Variants in COL6A2 observed in about 807,000 individuals in gnomAD.
The protein encoded by COL6A2 is collagen alpha-2(VI) chain.
A neutral mutation model predicts 124.9 loss-of-function variants in COL6A2; 90 were observed. The ratio of observed to expected loss-of-function variants is 0.72; its 90% CI spans 0.61 to 0.86. The LOEUF (loss-of-function observed/expected upper bound fraction) is 0.86. Ranked by LOEUF, COL6A2 falls within the 40% of genes least tolerant of loss-of-function variation. COL6A2 has a pLI of 0.00. For missense variants in COL6A2, 1,607 were observed against 1,502.5 expected (o/e 1.07, Z -1.15); for synonymous variants, 793 against 618.2 (o/e 1.28, Z -4.19).
chr21:46,122,630 C>G, intron 20 of COL6A2, 99 bp downstream of exon 20: 3 of 1,384,520 alleles, frequency 2.2e-6, no homozygotes, highest in Non-Finnish European at 3.1e-6. Flanking sequence ...AGGACCACCC[C>G]TGTCTTGAGA....
Position 46,127,387 on chromosome 21 carries a change from T to G in COL6A2, c.2461+846T>G, listed in dbSNP as rs566360061. Reference sequence around the variant, plus strand: ...GGGTGAGCTGGGCCACTGAGCACATTCACAGGCCCTGAGGCTGCCCCAGGG... The same window carrying G: ...GGGTGAGCTGGGCCACTGAGCACATGCACAGGCCCTGAGGCTGCCCCAGGG... On this transcript the variant is annotated intron_variant, in intron 27 of 27. Coordinates refer to ENST00000300527, the MANE Select transcript of COL6A2 (RefSeq NM_001849.4). 9.2e-5 allele frequency among the ~76,000 whole-genome samples: 14 copies of G among 152,204 alleles called. No homozygotes were observed. In the South Asian group the frequency reaches 2.1e-3, roughly 23 times the overall value.
chr21:46,116,168 G>A lies in COL6A2; in HGVS notation c.900+115G>A. 1.6e-6 allele frequency: 2 copies of A among 1,238,512 alleles called. No individual in the cohort carries two copies. Among genetic ancestry groups the A allele is most frequent in the South Asian group, 2.6e-5 (2 of 77,942 alleles). 76.7% of individuals were successfully genotyped at this position (1,238,512 alleles called of 1,614,324 possible). On this transcript the variant is annotated intron_variant, in intron 7 of 27. Coordinates refer to ENST00000300527, the MANE Select transcript of COL6A2 (RefSeq NM_001849.4). The surrounding 1 kb of genome is among the most constrained non-coding windows in gnomAD (Gnocchi z 4.6). ...CTACGACCCTCCCCCCAGTTACCAA[G>A]GAACAGAAGCACCTCGATAACTTGA...
intron 10 of COL6A2, 81 bp from the exon 11 acceptor site, chr21:46,117,319 G>T: frequency 7.1e-7 from 1 of 1,399,846 alleles, no homozygotes; most frequent in East Asian, 2.4e-5. Context: ...GGGCAGAACC[G>T]GGTGGGCTGT....
rs2078649334 is a variant in COL6A2 at position 46,125,548 on chromosome 21, G to A, written c.1900G>A (p.Glu634Lys). Reference sequence around the variant, plus strand: ...CATTGGGTACACCAACTTCACACTGGAGAAGAACTTCGTCATCAACGTGGT... The same window carrying A: ...CATTGGGTACACCAACTTCACACTGAAGAAGAACTTCGTCATCAACGTGGT... ...ESIGYTNFTL[E>K]KNFVINVVNR... Residue 634 changes from glutamate (E) to lysine (K), a missense_variant, in exon 25 of 28, where the codon GAG (glutamate) becomes AAG (lysine). Coordinates refer to ENST00000300527, the MANE Select transcript of COL6A2 (RefSeq NM_001849.4). 1.2e-6 allele frequency: 2 copies of A among 1,612,934 alleles called. No individual in the cohort carries two copies. Among genetic ancestry groups the A allele is most frequent in the Non-Finnish European group, 1.7e-6 (2 of 1,179,962 alleles).
rs141071778 is a variant in COL6A2, at chr21:46,104,269, A to G, written c.-28+6096A>G. Among the ~76,000 whole-genome samples, 382 of 152,296 alleles carry G rather than the reference A, an allele frequency of 2.5e-3. 2 individuals carry two copies. Among genetic ancestry groups the G allele is most frequent in the African/African-American group, 8.3e-3 (346 of 41,578 alleles). Reference sequence around the variant, plus strand: ...CTATCTTAAAGATACTCAAATAACTAAGGGAAAATGTGGAGAAAGTGAAAG... The same window carrying G: ...CTATCTTAAAGATACTCAAATAACTGAGGGAAAATGTGGAGAAAGTGAAAG... On this transcript the variant is annotated intron_variant, in intron 1 of 27. Coordinates refer to ENST00000300527, the MANE Select transcript of COL6A2 (RefSeq NM_001849.4).
intron 27 of COL6A2, among the ~76,000 whole-genome samples, chr21:46,126,793 T>C (rs1464364214): frequency 6.6e-6 from 1 of 152,168 alleles, no homozygotes; most frequent in East Asian, 1.9e-4. Context: ...AGCCTGGCGC[T>C]GTGCTCGGCA....
chr21:46,117,547 G>A, intron 11 of COL6A2, 94 bp downstream of exon 11: 2 of 1,269,968 alleles, frequency 1.6e-6, no homozygotes, highest in Middle Eastern at 2.5e-4. Flanking sequence ...GTGGGAGCGT[G>A]GGTTCTCCCG....
intron 1 of COL6A2, among the ~76,000 whole-genome samples, chr21:46,099,951 T>G (rs796362425): frequency 1.5e-4 from 23 of 149,676 alleles, no homozygotes; most frequent in African/African-American, 5.2e-4. Context: ...TGTTGGGGGG[T>G]TTGTTCTGCA....
intron 27 of COL6A2, among the ~76,000 whole-genome samples, chr21:46,127,589 G>A (rs892038928): frequency 6.6e-6 from 1 of 152,174 alleles, no homozygotes; most frequent in Non-Finnish European, 1.5e-5. Context: ...ATCAGCAGCA[G>A]GGGCACCTGG....
intron 15 of COL6A2, among the ~76,000 whole-genome samples, chr21:46,120,120 C>T (rs898345151): frequency 8.8e-6 from 1 of 113,340 alleles, no homozygotes; most frequent in Non-Finnish European, 1.9e-5. Flanking sequence ...CTCACACCCC[C>T]CGGCCCCCAC....
rs544515457 is a variant in COL6A2, at chr21:46,124,876, C to T, written c.1735-9C>T. On this transcript the variant is annotated splice_polypyrimidine_tract_variant and intron_variant, in intron 22 of 27. Coordinates refer to ENST00000300527, the MANE Select transcript of COL6A2 (RefSeq NM_001849.4). The stretch of plus-strand genomic sequence containing the variant: ...CCCCAGAGTCTCAGCCTCATCCTTC[C>T]TTCCCCAGGGTGAGCCCGGCCCCCC... 2 of 1,612,910 alleles carry T rather than the reference C, an allele frequency of 1.2e-6. No individual in the cohort carries two copies. The highest frequency in any genetic ancestry group is 2.7e-5 in the African/African-American group (2 of 75,056).
Position 46,122,003 on chromosome 21 carries a change from C to CT in COL6A2, c.1522-104dup, listed in dbSNP as rs908929898. 11 of 1,240,834 alleles carry CT rather than the reference C, an allele frequency of 8.9e-6. No homozygotes were observed. In the African/African-American group the frequency reaches 1.6e-4, roughly 18 times the overall value. 76.9% of individuals were successfully genotyped at this position (1,240,834 alleles called of 1,614,324 possible). The stretch of plus-strand genomic sequence containing the variant: ...TCACAGCCAGAACTCGACGGCACCC[C>CT]TAGCCCACTTCCACCCCAGTGTGCA... On this transcript the variant is annotated intron_variant, in intron 18 of 27. Coordinates refer to ENST00000300527, the MANE Select transcript of COL6A2 (RefSeq NM_001849.4).
chr21:46,112,069 A>G lies in COL6A2; in HGVS notation c.206A>G (p.His69Arg), dbSNP rs1180790040. Residue 69 changes from histidine to arginine, a missense_variant, in exon 3 of 28, where the codon CAC becomes CGC. Physicochemically the swap from His to Arg is conservative, Grantham distance 29. This residue lies in a region of COL6A2 where 342 missense variants were observed against 381.5 expected (regional missense o/e 0.90). Transcript: ENST00000300527. Reference protein sequence around the residue: ...MQSPTDILLFHMKQFVPQFIS... With the variant: ...MQSPTDILLFRMKQFVPQFIS... ...TCCCCCACGGACATCCTGCTCTTCCACATGAAGCAGTTCGTGCCGCAGTTC... is the reference window on the plus strand; with the variant it reads ...TCCCCCACGGACATCCTGCTCTTCCGCATGAAGCAGTTCGTGCCGCAGTTC... 1 of 1,613,132 alleles carries G rather than the reference A, an allele frequency of 6.2e-7. No homozygotes were observed. Among genetic ancestry groups the G allele is most frequent in the Non-Finnish European group, 8.5e-7 (1 of 1,180,004 alleles).
chr21:46,124,499 G>A (rs2078628119), intron 21 of COL6A2, 152 bp from the exon 22 acceptor site: 2 of 677,846 alleles, frequency 3.0e-6, no homozygotes, highest in East Asian at 2.7e-5. Context: ...CATAGGGAAG[G>A]AGGAGGCACA....
At chr21:46,130,626 C>T (rs1458495539) in intron 27 of COL6A2, among the ~76,000 whole-genome samples, 1 of 152,240 alleles carries the variant, frequency 6.6e-6, no homozygotes, top group Non-Finnish European at 1.5e-5. Flanking sequence ...TTCCCCGTCT[C>T]CTCCAGGCCC....
Position 46,125,610 on chromosome 21 carries a change from C to T in COL6A2, c.1962C>T (p.Ser654=), listed in dbSNP as rs150253422. 2.1e-5 allele frequency: 34 copies of T among 1,611,246 alleles called. No individual in the cohort carries two copies. The highest frequency in any genetic ancestry group is 6.7e-5 in the African/African-American group (5 of 74,592). The change falls in exon 25 of 28, where the codon TCC becomes TCT. Residue 654 remains serine (S), a synonymous_variant. Coordinates refer to ENST00000300527, the MANE Select transcript of COL6A2 (RefSeq NM_001849.4). ...RLGAIAKDPK[S]ETGTRVGVVQ... ...GTGCCATCGCTAAGGACCCCAAGTC[C>T]GAGACAGGTCAGCGGGGCAGGGGCG...
At chr21:46,118,944 G>C in intron 13 of COL6A2, 86 bp from the exon 14 acceptor site, 1 of 1,124,920 alleles carries the variant, frequency 8.9e-7, no homozygotes. Flanking sequence ...GAAGATAATA[G>C]GGGCTCCACA....
chr21:46,132,683 C>A lies in COL6A2; in HGVS notation c.*131C>A. 1.0e-6 allele frequency: 1 copy of A among 966,452 alleles called. No individual in the cohort carries two copies. Among genetic ancestry groups the A allele is most frequent in the South Asian group, 1.4e-5 (1 of 69,072 alleles). 59.9% of individuals were successfully genotyped at this position (966,452 alleles called of 1,614,324 possible). A position where few individuals can be genotyped will look rare whatever the true frequency, so the allele number is the denominator to read the frequency against. ...GCCCTGGGCCTGCACCTCTCCAGCT[C>A]CTCCCACGGGGTCCCCGTAGCCCCG... On this transcript the variant is annotated 3_prime_UTR_variant, in exon 28 of 28. Coordinates refer to ENST00000300527, the MANE Select transcript of COL6A2 (RefSeq NM_001849.4).
At chr21:46,131,723 C>G (rs759207709) in intron 27 of COL6A2, among the ~76,000 whole-genome samples, 1 of 152,200 alleles carries the variant, frequency 6.6e-6, no homozygotes, top group Non-Finnish European at 1.5e-5. Flanking sequence ...GTCAGGGTCT[C>G]AGGCCTGGGA....
Sources: allele counts gnomAD v4.1 joint callset (sites outside exome capture counted in the v4.1 genomes callset), GRCh38; gene constraint gnomAD v4.1.1; regional missense constraint gnomAD v4.1.1; non-coding constraint Gnocchi (gnomAD v3.1); transcripts MANE v1.5; gene names NCBI Gene and HGNC (gene_info 2026-07-23, HGNC 2026-07-21).